Variants in SLC8A3 observed in about 807,000 individuals in gnomAD.
The protein encoded by SLC8A3 is sodium/calcium exchanger 3.
In SLC8A3, 37 loss-of-function variants were observed where a neutral mutation model predicts 65.4. The observed-to-expected ratio is 0.57, with a 90% CI of 0.44 to 0.74. SLC8A3 has a LOEUF of 0.74. Ranked by LOEUF, SLC8A3 falls within the 30% of genes least tolerant of loss-of-function variation. The pLI, the probability that SLC8A3 is intolerant of heterozygous loss-of-function variation, is 0.00. For synonymous variants in SLC8A3, 461 were observed against 444.5 expected, an observed-to-expected ratio of 1.04 and a Z score of -0.47; for missense variants, 1,112 against 1,172.1, an observed-to-expected ratio of 0.95 and a Z score of 0.75.
chr14:70,056,639 C>A (rs1184083179), intron 3 of SLC8A3, among the ~76,000 whole-genome samples: 1 of 152,118 alleles, frequency 6.6e-6, no homozygotes, highest in East Asian at 1.9e-4. Flanking sequence ...TGGCAACTGT[C>A]TTTTCCATAG....
intron 3 of SLC8A3, chr14:70,060,610 T>C: frequency 1.5e-6 from 1 of 680,510 alleles, no homozygotes; most frequent in Non-Finnish European, 2.7e-6. Flanking sequence ...GAATTTGGAA[T>C]AAGCTAAGGC....
intron 2 of SLC8A3, among the ~76,000 whole-genome samples, chr14:70,146,440 T>C (rs1895932098): frequency 1.3e-5 from 2 of 152,122 alleles, no homozygotes; most frequent in South Asian, 4.1e-4. Flanking sequence ...GGGAGACATA[T>C]TGAGGAGATG....
At chr14:70,082,749 G>A (rs1400759884) in intron 2 of SLC8A3, among the ~76,000 whole-genome samples, 1 of 152,132 alleles carries the variant, frequency 6.6e-6, no homozygotes, top group Non-Finnish European at 1.5e-5. Flanking sequence ...AAGCCATCAA[G>A]CATTCCTCTG....
At chr14:70,184,084 G>T (rs188509854) in intron 1 of SLC8A3, among the ~76,000 whole-genome samples, 20 of 152,164 alleles carry the variant, frequency 1.3e-4, no homozygotes, top group Non-Finnish European at 2.8e-4. Flanking sequence ...CAACTGTCTT[G>T]GTAAATTCTT....
At chr14:70,048,538 T>C in intron 6 of SLC8A3, 1 of 638,664 alleles carries the variant, frequency 1.6e-6, no homozygotes, top group South Asian at 1.8e-5. Flanking sequence ...TGTAAATGTG[T>C]AAATTGCTGA....
At position 70,166,671 on chromosome 14, in the gene SLC8A3, A is replaced by G. The variant is rs967552767; in HGVS notation, c.1752T>C (p.Tyr584=). The G allele has an allele frequency of 2.5e-6, 4 of 1,610,054 alleles. No individual in the cohort carries two copies. The highest frequency in any genetic ancestry group is 2.2e-5 in the East Asian group (1 of 44,850). ...KGGGEDFEDT[Y]GELEFKNDET... ...CATCATTCTTGAATTCCAACTCCCC[A>G]TATGTGTCTTCAAAGTCCTCACCGC... Residue 584 remains tyrosine, a synonymous_variant, in exon 2 of 7, where the codon TAT becomes TAC. Transcript: ENST00000356921.
rs1365641125 is a variant in SLC8A3, at chr14:70,109,950, C to T, written c.1785-49011G>A. ...GTTGTCTTTATATCAAGTCCACAAT[C>T]CCCTTCCTCTAAAGTTAACTGACTG... On this transcript the variant is annotated intron_variant, in intron 2 of 6. Coordinates refer to ENST00000356921, the MANE Select transcript of SLC8A3 (RefSeq NM_182932.3). 5.9e-5 allele frequency among the ~76,000 whole-genome samples: 9 copies of T among 152,252 alleles called. No individual in the cohort carries two copies. The East Asian group carries it at 1.5e-3, about 26-fold the overall frequency.
At chr14:70,173,867 A>C (rs921333847) in intron 1 of SLC8A3, among the ~76,000 whole-genome samples, 2 of 152,234 alleles carry the variant, frequency 1.3e-5, no homozygotes, top group Non-Finnish European at 1.5e-5. Flanking sequence ...TCTCAAGAGT[A>C]GGAAAGATGT....
At chr14:70,139,514 T>A (rs8015205) in intron 2 of SLC8A3, among the ~76,000 whole-genome samples, 16,183 of 152,128 alleles carry the variant, frequency 0.11, 1,159 homozygotes, top group Non-Finnish European at 0.16. Flanking sequence ...CAGCAGAAGG[T>A]CTGCTGGAGT....
At chr14:70,061,989 T>C (rs1371474689) in intron 2 of SLC8A3, among the ~76,000 whole-genome samples, 1 of 152,150 alleles carries the variant, frequency 6.6e-6, no homozygotes, top group East Asian at 1.9e-4. Context: ...GGTTGCCGTG[T>C]GGGCCTGATT....
At chr14:70,116,129 G>A (rs1201084748) in intron 2 of SLC8A3, among the ~76,000 whole-genome samples, 1 of 152,140 alleles carries the variant, frequency 6.6e-6, no homozygotes, top group East Asian at 1.9e-4. Flanking sequence ...AGCTCAGAGA[G>A]GGGGTCATAG....
chr14:70,068,518 C>T (rs1023806891), intron 2 of SLC8A3, among the ~76,000 whole-genome samples: 1 of 151,962 alleles, frequency 6.6e-6, no homozygotes, highest in Non-Finnish European at 1.5e-5. Flanking sequence ...GCTGGGGCCA[C>T]GGGTGCATGC....
At chr14:70,098,544 A>C (rs1291506169) in intron 2 of SLC8A3, among the ~76,000 whole-genome samples, 2 of 152,198 alleles carry the variant, frequency 1.3e-5, no homozygotes, top group Admixed American at 1.3e-4. Context: ...GGTGTTGGTT[A>C]GATGGGGGCA....
intron 2 of SLC8A3, among the ~76,000 whole-genome samples, chr14:70,148,271 T>C (rs888291339): frequency 2.0e-5 from 3 of 152,342 alleles, no homozygotes; most frequent in South Asian, 2.1e-4. Flanking sequence ...TTTTGACTTA[T>C]GGTATTTGTA....
At chr14:70,092,588 T>G (rs1443446673) in intron 2 of SLC8A3, among the ~76,000 whole-genome samples, 1 of 152,120 alleles carries the variant, frequency 6.6e-6, no homozygotes, top group Non-Finnish European at 1.5e-5. Context: ...CACATGGGAG[T>G]GGCTATCTTT....
At chr14:70,072,968 T>A (rs1015778443) in intron 2 of SLC8A3, among the ~76,000 whole-genome samples, 4 of 152,106 alleles carry the variant, frequency 2.6e-5, no homozygotes, top group African/African-American at 7.2e-5. Flanking sequence ...TATTTTCAAA[T>A]TTTTCCATAC....
chr14:70,114,612 C>T (rs1486545330), intron 2 of SLC8A3, among the ~76,000 whole-genome samples: 1 of 152,210 alleles, frequency 6.6e-6, no homozygotes, highest in Non-Finnish European at 1.5e-5. Context: ...GCCCCCATCC[C>T]TGCCCTCCTC....
At chr14:70,146,612 T>C (rs1374515766) in intron 2 of SLC8A3, among the ~76,000 whole-genome samples, 1 of 152,230 alleles carries the variant, frequency 6.6e-6, no homozygotes, top group Non-Finnish European at 1.5e-5. Context: ...AGTATATTTA[T>C]AAAATTTGAA....
intron 2 of SLC8A3, among the ~76,000 whole-genome samples, chr14:70,164,938 G>A (rs956102108): frequency 4.6e-5 from 7 of 152,158 alleles, no homozygotes; most frequent in Admixed American, 2.0e-4. Context: ...TTCTACTTAC[G>A]TTAACAAATG....
Sources: allele counts gnomAD v4.1 joint callset (sites outside exome capture counted in the v4.1 genomes callset), GRCh38; gene constraint gnomAD v4.1.1; transcripts MANE v1.5; gene names NCBI Gene and HGNC (gene_info 2026-07-23, HGNC 2026-07-21).